Variants in ZNF570 observed in about 807,000 individuals in gnomAD.
ZNF570 encodes the protein zinc finger protein 570.
In ZNF570, 8 loss-of-function variants were observed where a neutral mutation model predicts 14.2. That is an observed-to-expected ratio of 0.56 (90% CI 0.33 to 1.02). The LOEUF is 1.02. Among genes scored for constraint, ZNF570 ranks in the 50% least tolerant of loss-of-function variants. ZNF570 has a pLI of 0.03. For synonymous variants in ZNF570, 202 were observed against 207.6 expected (o/e 0.97, Z 0.23); for missense variants, 559 against 624.9 (o/e 0.89, Z 1.12).
intron 4 of ZNF570, among the ~76,000 whole-genome samples, chr19:37,478,484 G>T (rs1249309157): frequency 6.6e-6 from 1 of 152,066 alleles, no homozygotes; most frequent in African/African-American, 2.4e-5. Context: ...TGTATGAGTA[G>T]ATATATTTGT....
chr19:37,469,710 C>CG (rs2041922365), intron 1 of ZNF570, 153 bp downstream of exon 1: 1 of 786,276 alleles, frequency 1.3e-6, no homozygotes, highest in African/African-American at 1.7e-5. Context: ...GGCCGATACC[C>CG]GCGGCTTCTT....
upstream of ZNF570, among the ~76,000 whole-genome samples, chr19:37,468,407 G>A (rs952929124): frequency 1.3e-5 from 2 of 152,278 alleles, no homozygotes; most frequent in Admixed American, 1.3e-4. Flanking sequence ...CTTTAATAAA[G>A]AGATAATAGG....
At chr19:37,480,443 C>T (rs2042074441) in intron 4 of ZNF570, among the ~76,000 whole-genome samples, 1 of 152,076 alleles carries the variant, frequency 6.6e-6, no homozygotes, top group Non-Finnish European at 1.5e-5. Flanking sequence ...AAGATCGTGC[C>T]ACTGCACTCC....
Position 37,487,583 on chromosome 19 carries a change from A to G in ZNF570, c.*2350A>G, listed in dbSNP as rs747720837. 6.6e-6 allele frequency: 1 copy of G among 152,238 alleles called. No individual in the cohort carries two copies. Among genetic ancestry groups the G allele is most frequent in the Non-Finnish European group, 1.5e-5 (1 of 68,044 alleles). The allele number at this position is 152,238 out of a possible 1,614,324, so 9.4% of individuals were successfully genotyped here. A position where few individuals can be genotyped will look rare whatever the true frequency, so the allele number is the denominator to read the frequency against. ...AAACGCAGAAAACGGAAGAGTAACA[A>G]GAAACTAAATCAAGGAGCATTATAT... On this transcript the variant is annotated 3_prime_UTR_variant, in exon 5 of 5. Transcript: ENST00000330173.
At chr19:37,473,269 T>C (rs943099090) in intron 2 of ZNF570, among the ~76,000 whole-genome samples, 1 of 152,120 alleles carries the variant, frequency 6.6e-6, no homozygotes, top group African/African-American at 2.4e-5. Context: ...TTAGCATGGT[T>C]GGTATGATTT....
chr19:37,480,770 TG>T (rs1568769131), intron 4 of ZNF570, among the ~76,000 whole-genome samples: 1 of 152,032 alleles, frequency 6.6e-6, no homozygotes, highest in African/African-American at 2.4e-5. Context: ...CTGGGCAGCA[TG>T]GTGAAACCCC....
Position 37,484,406 on chromosome 19 carries a change from G to T in ZNF570, c.784G>T (p.Val262Phe). 1 of 1,614,066 alleles carries T rather than the reference G, an allele frequency of 6.2e-7. No individual in the cohort carries two copies. Among genetic ancestry groups the T allele is most frequent in the Non-Finnish European group, 8.5e-7 (1 of 1,180,006 alleles). Residue 262 changes from valine to phenylalanine, a missense_variant, in exon 5 of 5, where the codon GTT becomes TTT. Coordinates refer to ENST00000330173, the MANE Select transcript of ZNF570 (RefSeq NM_144694.5). ...AGCCTTCAGCCAGAGATCAAATCTTGTTCAACATCAGAGGATTCATACTGG... is the reference window on the plus strand; with the variant it reads ...AGCCTTCAGCCAGAGATCAAATCTTTTTCAACATCAGAGGATTCATACTGG... ...GKAFSQRSNL[V>F]QHQRIHTGEK...
In ZNF570 at chr19:37,485,915, A is replaced by C. The variant is rs566223840; in HGVS notation, c.*682A>C. On this transcript the variant is annotated 3_prime_UTR_variant, in exon 5 of 5. Coordinates refer to ENST00000330173, the MANE Select transcript of ZNF570 (RefSeq NM_144694.5). ...AAATTAGCCGGGCGTGGTGGTGCAC[A>C]CTTGTAATCCCAGCTACTCTGGAGG... 4.6e-5 allele frequency: 7 copies of C among 152,174 alleles called. No homozygotes were observed. The highest frequency in any genetic ancestry group is 3.9e-4 in the East Asian group (2 of 5,094). The allele number at this position is 152,174 out of a possible 1,614,324, so 9.4% of individuals were successfully genotyped here. A position where few individuals can be genotyped will look rare whatever the true frequency, so the allele number is the denominator to read the frequency against.
At position 37,485,320 on chromosome 19, in the gene ZNF570, C is replaced by G. The variant is rs1393693974; in HGVS notation, c.*87C>G. 5.5e-6 allele frequency: 7 copies of G among 1,268,110 alleles called. No individual in the cohort carries two copies. The highest frequency in any genetic ancestry group is 2.0e-4 in the Middle Eastern group (1 of 5,110). The allele number at this position is 1,268,110 out of a possible 1,614,324, so 78.6% of individuals were successfully genotyped here. On this transcript the variant is annotated 3_prime_UTR_variant, in exon 5 of 5. Coordinates refer to ENST00000330173, the MANE Select transcript of ZNF570 (RefSeq NM_144694.5). ...GGTCTGATTCATCTCACTCTGATTA[C>G]TAATATAGCTTTCAAACAGGTTTTC...
rs956125349 is a variant in ZNF570 at position 37,484,182 on chromosome 19, A to C, written c.560A>C (p.Glu187Ala). 2.5e-6 allele frequency: 4 copies of C among 1,613,960 alleles called. No homozygotes were observed. The highest frequency in any genetic ancestry group is 2.5e-6 in the Non-Finnish European group (3 of 1,179,992). The part of the protein sequence containing the change: ...LCTQKIIPKE[E>A]KVHKHDTQKR... ...ACACAAAAGATAATCCCCAAAGAGG[A>C]GAAAGTACATAAACATGACACACAA... The change falls in exon 5 of 5, where the codon GAG becomes GCG. Residue 187 changes from glutamate (E) to alanine (A), a missense_variant. Coordinates refer to ENST00000330173, the MANE Select transcript of ZNF570 (RefSeq NM_144694.5).
In ZNF570 at chr19:37,476,393, C is replaced by T; in HGVS notation, c.215C>T (p.Pro72Leu). 3.1e-6 allele frequency: 5 copies of T among 1,613,934 alleles called. No individual in the cohort carries two copies. The highest frequency in any genetic ancestry group is 4.2e-6 in the Non-Finnish European group (5 of 1,179,950). ...VILLLEQGKA[P>L]WMVKRELTKG... ...TTATTGTTGGAACAAGGAAAAGCAC[C>T]CTGGATGGTGAAGAGAGAGCTGACA... The change falls in exon 4 of 5, where the codon CCC becomes CTC. Residue 72 changes from proline to leucine, a missense_variant. Coordinates refer to ENST00000330173, the MANE Select transcript of ZNF570 (RefSeq NM_144694.5).
chr19:37,477,409 G>A (rs2042040202), intron 4 of ZNF570, among the ~76,000 whole-genome samples: 1 of 148,290 alleles, frequency 6.7e-6, no homozygotes, highest in Non-Finnish European at 1.5e-5. Flanking sequence ...GCATGATCTC[G>A]GCTCACTGCA....
intron 2 of ZNF570, among the ~76,000 whole-genome samples, chr19:37,474,668 C>T (rs961868518): frequency 2.0e-5 from 3 of 152,042 alleles, no homozygotes; most frequent in Non-Finnish European, 2.9e-5. Flanking sequence ...CCATGTTGGC[C>T]AGGCTGTTCT....
intron 2 of ZNF570, among the ~76,000 whole-genome samples, chr19:37,474,607 G>A (rs938890974): frequency 3.9e-5 from 6 of 152,012 alleles, no homozygotes; most frequent in East Asian, 1.9e-4. Flanking sequence ...TTATAGGTGC[G>A]CACCACTATG....
chr19:37,469,412 C>T lies in ZNF570; in HGVS notation c.-197C>T. 1 of 1,526,512 alleles carries T rather than the reference C, an allele frequency of 6.6e-7. No individual in the cohort carries two copies. The highest frequency in any genetic ancestry group is 8.8e-7 in the Non-Finnish European group (1 of 1,140,948). 94.6% of individuals were successfully genotyped at this position (1,526,512 alleles called of 1,614,324 possible). A position where few individuals can be genotyped will look rare whatever the true frequency, so the allele number is the denominator to read the frequency against. On this transcript the variant is annotated 5_prime_UTR_variant, in exon 1 of 5. Transcript: ENST00000330173. Reference sequence around the variant, plus strand: ...CATCCAACTAAGGGTAGCGGTGAGACCCGAGTGCAGATTCCCCGAGCCTTC... The same window carrying T: ...CATCCAACTAAGGGTAGCGGTGAGATCCGAGTGCAGATTCCCCGAGCCTTC...
At chr19:37,481,419 C>T (rs1373804568) in intron 4 of ZNF570, among the ~76,000 whole-genome samples, 3 of 152,188 alleles carry the variant, frequency 2.0e-5, no homozygotes, top group Admixed American at 2.0e-4. Flanking sequence ...TCCCAAAGTG[C>T]TGGGATTACA....
At chr19:37,479,135 T>A (rs1026614839) in intron 4 of ZNF570, among the ~76,000 whole-genome samples, 1 of 151,864 alleles carries the variant, frequency 6.6e-6, no homozygotes, top group African/African-American at 2.4e-5. Flanking sequence ...ATCATTCAAT[T>A]TGATATGTTC....
At position 37,484,467 on chromosome 19, in the gene ZNF570, C is replaced by A. The variant is rs1475242407; in HGVS notation, c.845C>A (p.Ala282Asp). 1 of 1,613,720 alleles carries A rather than the reference C, an allele frequency of 6.2e-7. No homozygotes were observed. Among genetic ancestry groups the A allele is most frequent in the Non-Finnish European group, 8.5e-7 (1 of 1,179,902 alleles). Residue 282 changes from alanine (A) to aspartate (D), a missense_variant, in exon 5 of 5, where the codon GCC becomes GAC. By Grantham distance (126) the Ala-to-Asp change is moderately radical. Transcript: ENST00000330173. ...KPYECKECRKAFSQNAHLVQH... is the reference protein window; with the variant it reads ...KPYECKECRKDFSQNAHLVQH... Reference sequence around the variant, plus strand: ...TATGAATGTAAGGAATGTAGGAAAGCCTTCAGTCAGAATGCACACCTAGTT... The same window carrying A: ...TATGAATGTAAGGAATGTAGGAAAGACTTCAGTCAGAATGCACACCTAGTT...
In ZNF570 at chr19:37,475,994, C is replaced by A; in HGVS notation, c.147C>A (p.Ile49=). Residue 49 remains isoleucine, a synonymous_variant, in exon 3 of 5, where the codon ATC becomes ATA. Coordinates refer to ENST00000330173, the MANE Select transcript of ZNF570 (RefSeq NM_144694.5). ...ATGTGATGCTAGAGAACTACAGGAT[C>A]TTGGTATCACTGGGTAAGGATATCT... is the stretch of plus-strand genomic sequence containing the variant. ...YSNVMLENYR[I]LVSLGLCFSK... 2.5e-6 allele frequency: 4 copies of A among 1,610,272 alleles called. No homozygotes were observed. The highest frequency in any genetic ancestry group is 3.4e-6 in the Non-Finnish European group (4 of 1,178,588).
Sources: gnomAD v4.1 joint callset for allele counts (sites outside exome capture counted in the v4.1 genomes callset) on GRCh38, gnomAD v4.1.1 for gene constraint, MANE v1.5 for transcripts, NCBI Gene and HGNC (gene_info 2026-07-23, HGNC 2026-07-21) for gene names.